Variants in PLXDC2 observed in about 807,000 individuals in gnomAD.
PLXDC2 encodes the protein plexin domain-containing protein 2.
PLXDC2 carries 40 observed loss-of-function variants against 68.9 expected under a neutral mutation model. That is an observed-to-expected ratio of 0.58 (90% CI 0.45 to 0.76). The LOEUF (loss-of-function observed/expected upper bound fraction) is 0.76. Among genes scored for constraint, PLXDC2 ranks in the 30% least tolerant of loss-of-function variants. The probability of loss-of-function intolerance (pLI) is 0.00; values close to 1 mark genes in which losing one functional copy is unlikely to be tolerated. For missense variants in PLXDC2, 644 were observed against 661.9 expected, an observed-to-expected ratio of 0.97 and a Z score of 0.30; for synonymous variants, 243 against 234.2, an observed-to-expected ratio of 1.04 and a Z score of -0.34.
At chr10:20,142,187 T>C (rs1834015600) in intron 4 of PLXDC2, among the ~76,000 whole-genome samples, 1 of 152,088 alleles carries the variant, frequency 6.6e-6, no homozygotes, top group Non-Finnish European at 1.5e-5. Flanking sequence ...GTGATCAAAG[T>C]TTAACATTTT....
chr10:20,172,036 CTT>C (rs371049270), intron 7 of PLXDC2, among the ~76,000 whole-genome samples: 135 of 152,138 alleles, frequency 8.9e-4, no homozygotes, highest in African/African-American at 3.2e-3. Context: ...AAAGCACAGA[CTT>C]CACTACTACA....
At chr10:20,046,842 GA>G (rs1564295087) in intron 2 of PLXDC2, 26 bp from the exon 3 acceptor site, 1 of 1,563,390 alleles carries the variant, frequency 6.4e-7, no homozygotes, top group Non-Finnish European at 8.6e-7. Flanking sequence ...CTCGGTTCTT[GA>G]TATACATTAT....
chr10:20,249,216 T>A (rs755236353), intron 13 of PLXDC2, among the ~76,000 whole-genome samples: 1 of 152,232 alleles, frequency 6.6e-6, no homozygotes, highest in African/African-American at 2.4e-5. Flanking sequence ...TTATATTGAC[T>A]GCCTCTTATG....
chr10:19,985,299 C>T (rs1381141107), intron 1 of PLXDC2, among the ~76,000 whole-genome samples: 2 of 152,190 alleles, frequency 1.3e-5, no homozygotes, highest in Non-Finnish European at 2.9e-5. Context: ...TCCTTTCTAC[C>T]TGTTGAAATA....
chr10:19,966,202 CATAT>C (rs951197397), intron 1 of PLXDC2, among the ~76,000 whole-genome samples: 1 of 131,242 alleles, frequency 7.6e-6, no homozygotes, highest in Non-Finnish European at 1.6e-5. Flanking sequence ...TACTCATGCA[CATAT>C]ATATACTACG....
rs563590071 is a variant in PLXDC2, at chr10:20,198,127, G to T, written c.1062-13542G>T. ...CAGAGAACATTCCCTAGGGAAGGCAGCTTGGGTTGAATATTTCTGAGGGTG... is the reference window on the plus strand; with the variant it reads ...CAGAGAACATTCCCTAGGGAAGGCATCTTGGGTTGAATATTTCTGAGGGTG... On this transcript the variant is annotated intron_variant, in intron 9 of 13. Transcript: ENST00000377252. Among the ~76,000 whole-genome samples, 3 of 152,274 alleles carry T rather than the reference G, an allele frequency of 2.0e-5. No individual in the cohort carries two copies. The South Asian group carries it at 6.2e-4, about 32-fold the overall frequency.
At chr10:20,241,606 T>A (rs1835517057) in intron 12 of PLXDC2, among the ~76,000 whole-genome samples, 1 of 151,530 alleles carries the variant, frequency 6.6e-6, no homozygotes, top group Admixed American at 6.6e-5. Flanking sequence ...GGCAATATAG[T>A]GAGAATCTGC....
rs772029554 is a variant in PLXDC2 at position 20,046,893 on chromosome 10, A to G, written c.349A>G (p.Ile117Val). ...IEEDTDHNYY[I>V]SRIYGPSDSA... is the part of the protein sequence containing the mutation. ...GGAGGATACAGACCACAATTACTAT[A>G]TATCTCGAATATATGGTCCATCTGA... Residue 117 changes from isoleucine (I) to valine (V), a missense_variant, in exon 3 of 14, where the codon ATA becomes GTA. This residue lies in a region of PLXDC2 where 201 missense variants were observed against 166.9 expected (regional missense o/e 1.20). Coordinates refer to ENST00000377252, the MANE Select transcript of PLXDC2 (RefSeq NM_032812.9). 30 of 1,611,958 alleles carry G rather than the reference A, an allele frequency of 1.9e-5. No individual in the cohort carries two copies. The highest frequency in any genetic ancestry group is 2.7e-5 in the African/African-American group (2 of 74,968).
intron 1 of PLXDC2, among the ~76,000 whole-genome samples, chr10:19,928,359 G>A (rs529184665): frequency 2.0e-5 from 3 of 152,222 alleles, no homozygotes; most frequent in African/African-American, 7.2e-5. Context: ...GAGAAAGTTG[G>A]GACAAACTAA....
chr10:20,253,321 C>A (rs112731318), intron 13 of PLXDC2, among the ~76,000 whole-genome samples: 1,958 of 151,034 alleles, frequency 0.013, 40 homozygotes, highest in African/African-American at 0.044. Context: ...GCCAAGATCA[C>A]GCCACTGCAC....
chr10:19,832,609 G>A (rs1836716044), intron 1 of PLXDC2, among the ~76,000 whole-genome samples: 1 of 152,200 alleles, frequency 6.6e-6, no homozygotes, highest in African/African-American at 2.4e-5. Context: ...GGTAACTTCA[G>A]TTGGAAGATG....
intron 4 of PLXDC2, among the ~76,000 whole-genome samples, chr10:20,119,147 G>T (rs1406736220): frequency 6.6e-6 from 1 of 152,100 alleles, no homozygotes; most frequent in Non-Finnish European, 1.5e-5. Context: ...TAACGAACAT[G>T]TAAGAGACAT....
chr10:20,121,286 C>G (rs10827967), intron 4 of PLXDC2, among the ~76,000 whole-genome samples: 39,549 of 151,976 alleles, frequency 0.26, 5,916 homozygotes, highest in East Asian at 0.49. Context: ...TAAAACAGGT[C>G]AAGTTGTTTG....
chr10:19,850,464 G>C (rs1297095909), intron 1 of PLXDC2, among the ~76,000 whole-genome samples: 1 of 152,018 alleles, frequency 6.6e-6, no homozygotes, highest in Non-Finnish European at 1.5e-5. Flanking sequence ...TTTTGAACCT[G>C]TACTCCTTTT....
chr10:19,971,791 A>T (rs1444281869), intron 1 of PLXDC2, among the ~76,000 whole-genome samples: 1 of 152,162 alleles, frequency 6.6e-6, no homozygotes, highest in Non-Finnish European at 1.5e-5. Flanking sequence ...AGCTGGGATT[A>T]TAACAAGTCG....
At chr10:19,980,347 G>A (rs970455296) in intron 1 of PLXDC2, among the ~76,000 whole-genome samples, 2 of 152,174 alleles carry the variant, frequency 1.3e-5, no homozygotes, top group Admixed American at 1.3e-4. Context: ...TAAACACATA[G>A]TCAAGGATCA....
chr10:20,005,533 C>T (rs1383784935), intron 2 of PLXDC2, among the ~76,000 whole-genome samples: 2 of 152,114 alleles, frequency 1.3e-5, no homozygotes, highest in Admixed American at 6.6e-5. Flanking sequence ...GTTGATTTAG[C>T]TCACGGTTCT....
At chr10:20,054,938 A>G (rs1835970292) in intron 3 of PLXDC2, among the ~76,000 whole-genome samples, 1 of 152,156 alleles carries the variant, frequency 6.6e-6, no homozygotes, top group Non-Finnish European at 1.5e-5. Context: ...CTTTCTATGT[A>G]TATATTTTTG....
At chr10:20,046,674 A>AT (rs1036862448) in intron 2 of PLXDC2, among the ~76,000 whole-genome samples, 195 bp from the exon 3 acceptor site, 1 of 151,918 alleles carries the variant, frequency 6.6e-6, no homozygotes. Flanking sequence ...ATTTATTAAC[A>AT]TTTTTTTCTT....
Sources: allele counts gnomAD v4.1 joint callset (sites outside exome capture counted in the v4.1 genomes callset), GRCh38; gene constraint gnomAD v4.1.1; regional missense constraint gnomAD v4.1.1; transcripts MANE v1.5; gene names NCBI Gene and HGNC (gene_info 2026-07-23, HGNC 2026-07-21).